SOX6: variants seen among roughly 807,000 people sequenced by gnomAD.
SOX6 encodes the protein transcription factor SOX-6.
A neutral mutation model predicts 97.8 loss-of-function variants in SOX6; 11 were observed. The ratio of observed to expected loss-of-function variants is 0.11; its 90% CI spans 0.07 to 0.19. SOX6 has a LOEUF of 0.19. SOX6 is among the 10% of genes least tolerant of loss of function. SOX6 has a pLI of 1.00. For missense variants in SOX6, 810 were observed against 1,039.5 expected (o/e 0.78, Z 3.04); for synonymous variants, 360 against 371.4 (o/e 0.97, Z 0.35).
intron 4 of SOX6, among the ~76,000 whole-genome samples, chr11:16,202,344 G>C (rs1038022471): frequency 2.0e-5 from 3 of 152,186 alleles, no homozygotes; most frequent in East Asian, 3.9e-4. Context: ...GTCCTGTGTA[G>C]CATAAAAATC....
chr11:16,562,144 T>C (rs1297649843), intron 4 of SOX6, among the ~76,000 whole-genome samples: 1 of 152,170 alleles, frequency 6.6e-6, no homozygotes, highest in Non-Finnish European at 1.5e-5. Context: ...AAATTTCTAA[T>C]ATGAAGACTT....
chr11:16,139,305 T>C (rs567841462), intron 6 of SOX6, among the ~76,000 whole-genome samples: 5 of 152,228 alleles, frequency 3.3e-5, no homozygotes, highest in Non-Finnish European at 7.3e-5. Context: ...CATCCCTTCA[T>C]GTTTCTTGTC....
At chr11:16,676,691 A>T (rs1847886959) in intron 3 of SOX6, among the ~76,000 whole-genome samples, 1 of 152,140 alleles carries the variant, frequency 6.6e-6, no homozygotes, top group South Asian at 2.1e-4. Context: ...TTCAACAGAG[A>T]TTTCCTTAAA....
intron 6 of SOX6, among the ~76,000 whole-genome samples, chr11:16,119,692 A>G (rs1464343476): frequency 1.3e-5 from 2 of 152,178 alleles, no homozygotes; most frequent in African/African-American, 4.8e-5. Flanking sequence ...TCTGACCACC[A>G]ATTTTCATAG....
chr11:16,699,152 T>C (rs1310091536), intron 3 of SOX6, among the ~76,000 whole-genome samples: 1 of 152,236 alleles, frequency 6.6e-6, no homozygotes, highest in East Asian at 1.9e-4. Flanking sequence ...ATTATGCCAT[T>C]TACTGAGGAT....
chr11:16,452,829 C>T (rs546949015), intron 1 of SOX6, among the ~76,000 whole-genome samples: 1 of 152,168 alleles, frequency 6.6e-6, no homozygotes, highest in East Asian at 1.9e-4. Flanking sequence ...AGGAGATGTG[C>T]ACATCAAATA....
intron 4 of SOX6, among the ~76,000 whole-genome samples, chr11:16,601,429 A>T (rs547051180): frequency 6.6e-6 from 1 of 152,170 alleles, no homozygotes; most frequent in Admixed American, 6.5e-5. Context: ...CCTAAACTAT[A>T]TTAAAACAAA....
intron 4 of SOX6, among the ~76,000 whole-genome samples, chr11:16,541,436 C>T (rs1027043094): frequency 1.3e-5 from 2 of 152,032 alleles, no homozygotes; most frequent in South Asian, 2.1e-4. Flanking sequence ...ACTAAAACAC[C>T]GAAAGCAATG....
At chr11:16,707,005 A>G (rs950248851) in intron 3 of SOX6, among the ~76,000 whole-genome samples, 2 of 152,172 alleles carry the variant, frequency 1.3e-5, no homozygotes, top group African/African-American at 4.8e-5. Context: ...TTTCCATAAT[A>G]GTGTTATCAC....
chr11:16,528,313 A>G (rs1861196303), intron 4 of SOX6, among the ~76,000 whole-genome samples: 1 of 152,146 alleles, frequency 6.6e-6, no homozygotes, highest in South Asian at 2.1e-4. Context: ...TGTTTTACAT[A>G]AGTTATCTCA....
intron 11 of SOX6, among the ~76,000 whole-genome samples, chr11:16,047,871 AT>A (rs371242118): frequency 0.018 from 2,759 of 150,560 alleles, 76 homozygotes; most frequent in African/African-American, 0.062. Context: ...TATACATGGA[AT>A]TTTTTTTTTA....
At chr11:16,502,429 T>C (rs1414767621) in intron 4 of SOX6, among the ~76,000 whole-genome samples, 1 of 150,606 alleles carries the variant, frequency 6.6e-6, no homozygotes, top group Non-Finnish European at 1.5e-5. Context: ...ACGTGCACGT[T>C]GTTAACATGT....
At chr11:16,065,682 G>C (rs933711786) in intron 9 of SOX6, among the ~76,000 whole-genome samples, 12 of 151,998 alleles carry the variant, frequency 7.9e-5, no homozygotes, top group Non-Finnish European at 1.5e-4. Flanking sequence ...TCAATAAATG[G>C]GGCTAGAAAG....
intron 1 of SOX6, among the ~76,000 whole-genome samples, chr11:16,459,328 T>C (rs985924691): frequency 6.6e-6 from 1 of 152,018 alleles, no homozygotes. Flanking sequence ...TATTTCCACT[T>C]TAACTGCATA....
At chr11:16,359,378 T>A (rs1357471851), upstream of SOX6, among the ~76,000 whole-genome samples, 1 of 151,962 alleles carries the variant, frequency 6.6e-6, no homozygotes, top group Non-Finnish European at 1.5e-5. Flanking sequence ...GGATTTCAAA[T>A]GCAATTCAAA....
chr11:16,713,467 C>A (rs996685930), intron 3 of SOX6, among the ~76,000 whole-genome samples: 2 of 151,944 alleles, frequency 1.3e-5, no homozygotes, highest in African/African-American at 4.8e-5. Flanking sequence ...AGAAATCATA[C>A]ATGTGCTATT....
intron 9 of SOX6, among the ~76,000 whole-genome samples, chr11:16,088,369 T>C (rs949524287): frequency 1.3e-5 from 2 of 152,138 alleles, no homozygotes; most frequent in Non-Finnish European, 2.9e-5. Context: ...TGGACAAATA[T>C]ATAATGACAT....
intron 6 of SOX6, among the ~76,000 whole-genome samples, chr11:16,146,210 T>C (rs1254713761): frequency 1.3e-5 from 2 of 151,954 alleles, no homozygotes; most frequent in Non-Finnish European, 2.9e-5. Flanking sequence ...CATCTACAAC[T>C]ATCTGATCTT....
intron 3 of SOX6, among the ~76,000 whole-genome samples, chr11:16,269,265 T>TTATC (rs71044091): frequency 0.17 from 25,261 of 150,420 alleles, 2,614 homozygotes; most frequent in Admixed American, 0.29. Context: ...TTTATTCTCC[T>TTATC]TGTTTATTCA....
Sources: gnomAD v4.1 joint callset for allele counts (sites outside exome capture counted in the v4.1 genomes callset) on GRCh38, gnomAD v4.1.1 for gene constraint, MANE v1.5 for transcripts, NCBI Gene and HGNC (gene_info 2026-07-23, HGNC 2026-07-21) for gene names.